APLP2: variants seen among roughly 807,000 people sequenced by gnomAD.
The protein encoded by APLP2 is CDEI box-binding protein.
A neutral mutation model predicts 89.9 loss-of-function variants in APLP2; 53 were observed. The ratio of observed to expected loss-of-function variants is 0.59; its 90% confidence interval spans 0.47 to 0.74. The LOEUF is 0.74. Ranked by LOEUF, APLP2 falls within the 30% of genes least tolerant of loss-of-function variation. APLP2 has a pLI of 0.00. For synonymous variants in APLP2, 372 were observed against 348.6 expected, an observed-to-expected ratio of 1.07 and a Z score of -0.75; for missense variants, 973 against 975.9, an observed-to-expected ratio of 1.00 and a Z score of 0.04.
chr11:130,122,451 A>G lies in APLP2; in HGVS notation c.860A>G (p.Asn287Ser). ...AAAGGAGATGACTACAATGAGGAGA[A>G]TCCTACTGAACCCGGCAGCGACGGC... ...TFKGDDYNEE[N>S]PTEPGSDGTM... Residue 287 changes from asparagine (N) to serine (S), a missense_variant, in exon 6 of 17, where the codon AAT (asparagine) becomes AGT (serine). Coordinates refer to ENST00000338167, the MANE Select transcript of APLP2 (RefSeq NM_001142276.2). 6.2e-7 allele frequency: 1 copy of G among 1,614,168 alleles called. No homozygotes were observed. Among genetic ancestry groups the G allele is most frequent in the Non-Finnish European group, 8.5e-7 (1 of 1,180,010 alleles).
Position 130,122,530 on chromosome 11 carries a change from C to A in APLP2, c.922+17C>A. ...ATGTCAAAGGTAACCCCATGTAGAG[C>A]CATGGCTTTGAAATCCATGTGGTAA... On this transcript the variant is annotated intron_variant, in intron 6 of 16. Transcript: ENST00000338167. The A allele has an allele frequency of 2.5e-6, 4 of 1,613,838 alleles. No individual in the cohort carries two copies. In the East Asian group the frequency reaches 8.9e-5, roughly 36 times the overall value.
At chr11:130,071,038 CCTTCTCGAAGTGGTG>C (rs1367117975) in intron 1 of APLP2, among the ~76,000 whole-genome samples, 1 of 152,230 alleles carries the variant, frequency 6.6e-6, no homozygotes, top group Non-Finnish European at 1.5e-5. Context: ...TCTTTACTTC[CCTTCTCGAAGTGGTG>C]CTTGAACTGC....
At position 130,133,708 on chromosome 11, in the gene APLP2, A is replaced by C. The variant is rs1951199905; in HGVS notation, c.1664A>C (p.Gln555Pro). Residue 555 changes from glutamine (Q) to proline (P), a missense_variant, in exon 12 of 17, where the codon CAA becomes CCA. Coordinates refer to ENST00000338167, the MANE Select transcript of APLP2 (RefSeq NM_001142276.2). ...SLLYKVPYVA[Q>P]EIQEEIDELL... Reference sequence around the variant, plus strand: ...CTCTACAAAGTACCTTATGTAGCCCAAGAAATTCAAGAGGAAATTGGTGGG... The same window carrying C: ...CTCTACAAAGTACCTTATGTAGCCCCAGAAATTCAAGAGGAAATTGGTGGG... The C allele has an allele frequency of 1.7e-5, 27 of 1,613,956 alleles. No homozygotes were observed. The highest frequency in any genetic ancestry group is 2.3e-5 in the Non-Finnish European group (27 of 1,179,786).
At chr11:130,083,316 T>C (rs1458697458) in intron 1 of APLP2, among the ~76,000 whole-genome samples, 1 of 152,116 alleles carries the variant, frequency 6.6e-6, no homozygotes, top group Non-Finnish European at 1.5e-5. Context: ...ATTGCAGGTG[T>C]GGGCCACCAA....
chr11:130,094,708 C>T (rs187522515), intron 1 of APLP2, among the ~76,000 whole-genome samples: 1 of 152,332 alleles, frequency 6.6e-6, no homozygotes, highest in East Asian at 1.9e-4. Flanking sequence ...TCCATTCACA[C>T]ACCCTTTCTT....
chr11:130,078,077 T>G (rs1200723935), intron 1 of APLP2, among the ~76,000 whole-genome samples: 1 of 152,202 alleles, frequency 6.6e-6, no homozygotes, highest in Non-Finnish European at 1.5e-5. Flanking sequence ...TAACTGCTCC[T>G]CTGACTTTAT....
At position 130,109,576 on chromosome 11, in the gene APLP2, G is replaced by T. The variant is rs1270311278; in HGVS notation, c.253G>T (p.Glu85Ter). The T allele has an allele frequency of 6.2e-7, 1 of 1,613,340 alleles. No homozygotes were observed. ...TGTKSCFETK[E>*]EVLQYCQEMY... Reference sequence around the variant, plus strand: ...CACCAAGAGCTGCTTTGAAACAAAAGAAGAAGTTCTTCAGTACTGTCAGGA... The same window carrying T: ...CACCAAGAGCTGCTTTGAAACAAAATAAGAAGTTCTTCAGTACTGTCAGGA... Residue 85 changes from glutamate to a stop codon, truncating the protein, a stop_gained, in exon 2 of 17, where the codon GAA (glutamate) becomes TAA (stop). Transcript: ENST00000338167. LOFTEE classifies it high-confidence loss of function.
Position 130,141,789 on chromosome 11 carries a change from A to T in APLP2, c.1999-130A>T. 1 of 1,166,904 alleles carries T rather than the reference A, an allele frequency of 8.6e-7. No homozygotes were observed. 72.3% of individuals were successfully genotyped at this position (1,166,904 alleles called of 1,614,324 possible). A position where few individuals can be genotyped will look rare whatever the true frequency, so the allele number is the denominator to read the frequency against. Reference sequence around the variant, plus strand: ...TCCACCTGTGGGTGGTTCCCTGCAAAGCAGGATCTTGGTGCTACTTTGGGT... The same window carrying T: ...TCCACCTGTGGGTGGTTCCCTGCAATGCAGGATCTTGGTGCTACTTTGGGT... On this transcript the variant is annotated intron_variant, in intron 15 of 16. Coordinates refer to ENST00000338167, the MANE Select transcript of APLP2 (RefSeq NM_001142276.2). This position sits in a 1 kb window ranked among gnomAD's most constrained non-coding sequence, Gnocchi z 4.2.
intron 1 of APLP2, chr11:130,101,873 T>C (rs996957176): frequency 9.0e-6 from 4 of 445,178 alleles, no homozygotes. Flanking sequence ...CTTTTCCTGT[T>C]CCGGGATCCT....
At position 130,070,678 on chromosome 11, in the gene APLP2, G is replaced by A. The variant is rs1036855593; in HGVS notation, c.105+596G>A. 11 of 1,478,012 alleles carry A rather than the reference G, an allele frequency of 7.4e-6. No individual in the cohort carries two copies. The African/African-American group carries it at 1.3e-4, about 18-fold the overall frequency. The allele number at this position is 1,478,012 out of a possible 1,614,324, so 91.6% of individuals were successfully genotyped here. On this transcript the variant is annotated intron_variant, in intron 1 of 16. Transcript: ENST00000338167. ...GCTGCTCCCTCTGCCGCCTGGGGCC[G>A]GGTCGCGGACGCGCATTTTTTAAGT...
intron 11 of APLP2, among the ~76,000 whole-genome samples, chr11:130,130,914 T>TGCCTAAAG (rs1950876162): frequency 6.6e-6 from 1 of 152,176 alleles, no homozygotes; most frequent in Non-Finnish European, 1.5e-5. Flanking sequence ...AAAGGTAATG[T>TGCCTAAAG]GCCTAAAGGC....
At position 130,122,526 on chromosome 11, in the gene APLP2, A is replaced by G. The variant is rs1421908465; in HGVS notation, c.922+13A>G. ...CATGATGTCAAAGGTAACCCCATGT[A>G]GAGCCATGGCTTTGAAATCCATGTG... On this transcript the variant is annotated intron_variant, in intron 6 of 16. Coordinates refer to ENST00000338167, the MANE Select transcript of APLP2 (RefSeq NM_001142276.2). The G allele has an allele frequency of 1.2e-6, 2 of 1,613,846 alleles. No individual in the cohort carries two copies. The highest frequency in any genetic ancestry group is 1.7e-6 in the Non-Finnish European group (2 of 1,179,850).
chr11:130,070,660 C>G, intron 1 of APLP2: 1 of 1,474,850 alleles, frequency 6.8e-7, no homozygotes. Flanking sequence ...CCCGCTGCTC[C>G]CTCTGCCGCC....
chr11:130,109,986 A>G (rs939382166), intron 2 of APLP2, among the ~76,000 whole-genome samples: 1 of 152,254 alleles, frequency 6.6e-6, no homozygotes, highest in African/African-American at 2.4e-5. Flanking sequence ...AGAGAAAATG[A>G]TAGGAGATGT....
chr11:130,097,214 C>A (rs757089752), intron 1 of APLP2, among the ~76,000 whole-genome samples: 11 of 152,292 alleles, frequency 7.2e-5, no homozygotes, highest in Non-Finnish European at 1.5e-4. Flanking sequence ...AGATTGATAT[C>A]TGAGTGTTGT....
In APLP2 at chr11:130,130,134, G is replaced by T. The variant is rs913449803; in HGVS notation, c.1552G>T (p.Asp518Tyr). 1.9e-6 allele frequency: 3 copies of T among 1,614,218 alleles called. No individual in the cohort carries two copies. Residue 518 changes from aspartate (D) to tyrosine (Y), a missense_variant, in exon 11 of 17, where the codon GAC becomes TAC. Coordinates refer to ENST00000338167, the MANE Select transcript of APLP2 (RefSeq NM_001142276.2). ...IRHYQHVLAV[D>Y]PEKAAQMKSQ... ...TCATTACCAGCATGTGTTGGCTGTT[G>T]ACCCAGAAAAGGCGGCCCAGATGAA... is the stretch of plus-strand genomic sequence containing the variant.
intron 1 of APLP2, among the ~76,000 whole-genome samples, chr11:130,074,255 G>A (rs12420086): frequency 0.11 from 17,039 of 152,014 alleles, 1,236 homozygotes; most frequent in East Asian, 0.25. Context: ...TCACTCTGTC[G>A]CCCAGGCTGG....
Position 130,130,026 on chromosome 11 carries a change from T to A in APLP2, c.1456-12T>A, listed in dbSNP as rs1231809766. The A allele has an allele frequency of 1.2e-6, 2 of 1,613,688 alleles. No individual in the cohort carries two copies. The highest frequency in any genetic ancestry group is 1.7e-6 in the Non-Finnish European group (2 of 1,179,704). Reference sequence around the variant, plus strand: ...AGTCTCTGGATATTAAAACAACTGTTCTCTCTTGCAGCCTCATCGCATTCT... The same window carrying A: ...AGTCTCTGGATATTAAAACAACTGTACTCTCTTGCAGCCTCATCGCATTCT... On this transcript the variant is annotated splice_polypyrimidine_tract_variant and intron_variant, in intron 10 of 16. Transcript: ENST00000338167.
At chr11:130,111,736 T>C (rs1408093679) in intron 3 of APLP2, among the ~76,000 whole-genome samples, 1 of 152,160 alleles carries the variant, frequency 6.6e-6, no homozygotes, top group African/African-American at 2.4e-5. Context: ...CTGGGAGGCT[T>C]GTTAAAAATG....
Sources: allele counts gnomAD v4.1 joint callset (sites outside exome capture counted in the v4.1 genomes callset), GRCh38; gene constraint gnomAD v4.1.1; non-coding constraint Gnocchi (gnomAD v3.1); transcripts MANE v1.5; gene names NCBI Gene and HGNC (gene_info 2026-07-23, HGNC 2026-07-21).